MAPKAPK3: variants seen among roughly 807,000 people sequenced by gnomAD.
MAPKAPK3 encodes the protein MAPK activated protein kinase 3, also known as MAP kinase-activated protein kinase 3.
A neutral mutation model predicts 49.2 loss-of-function variants in MAPKAPK3; 35 were observed. The ratio of observed to expected loss-of-function variants is 0.71; its 90% CI spans 0.54 to 0.94. MAPKAPK3 has a LOEUF of 0.94. Ranked by LOEUF, MAPKAPK3 falls within the 40% of genes least tolerant of loss-of-function variation. The pLI, the probability that MAPKAPK3 is intolerant of heterozygous loss-of-function variation, is 0.00. For synonymous variants in MAPKAPK3, 178 were observed against 188.7 expected (o/e 0.94, Z 0.46); for missense variants, 398 against 493.1 (o/e 0.81, Z 1.83).
In MAPKAPK3 at chr3:50,641,689, T is replaced by G. The variant is rs1466818572; in HGVS notation, c.360-18T>G. ...TGTGCAGTTTCCCCCTCTCTGCTTA[T>G]AGTCACCTCTTTTACAGCATGGAAG... On this transcript the variant is annotated intron_variant, in intron 3 of 10. Coordinates refer to ENST00000621469, the MANE Select transcript of MAPKAPK3 (RefSeq NM_001243925.2). The G allele has an allele frequency of 7.4e-6, 12 of 1,610,990 alleles. No homozygotes were observed. Among genetic ancestry groups the G allele is most frequent in the Non-Finnish European group, 9.3e-6 (11 of 1,177,270 alleles).
upstream of MAPKAPK3, among the ~76,000 whole-genome samples, chr3:50,615,200 C>A (rs1237720220): frequency 1.3e-5 from 2 of 152,176 alleles, no homozygotes; most frequent in East Asian, 1.9e-4. Context: ...TGGCTCCCCC[C>A]AGCAGTAGAA....
At chr3:50,620,409 C>G (rs1474362234) in intron 2 of MAPKAPK3, among the ~76,000 whole-genome samples, 2 of 152,216 alleles carry the variant, frequency 1.3e-5, no homozygotes, top group African/African-American at 2.4e-5. Flanking sequence ...TCCAGGTTAA[C>G]CAGGGTGGCC....
intron 2 of MAPKAPK3, among the ~76,000 whole-genome samples, chr3:50,639,718 G>A (rs1036566834): frequency 6.6e-6 from 1 of 152,064 alleles, no homozygotes; most frequent in Middle Eastern, 3.2e-3. Context: ...TCTCCTGCAG[G>A]AAGTCTTCCT....
Position 50,640,387 on chromosome 3 carries a change from G to T in MAPKAPK3, c.241G>T (p.Ala81Ser). ...ALKLLYDSPK[A>S]RQEVDHHWQA... ...ACAGCTCCTGTATGACAGCCCCAAGGCCCGGCAGGAGGTAGACCATCACTG... is the reference window on the plus strand; with the variant it reads ...ACAGCTCCTGTATGACAGCCCCAAGTCCCGGCAGGAGGTAGACCATCACTG... The change falls in exon 3 of 11, where the codon GCC (alanine) becomes TCC (serine). Residue 81 changes from alanine to serine, a missense_variant. Ala to Ser is a moderately conservative substitution (Grantham distance 99, BLOSUM62 1). Transcript: ENST00000621469. The T allele has an allele frequency of 6.2e-7, 1 of 1,614,022 alleles. No individual in the cohort carries two copies. Among genetic ancestry groups the T allele is most frequent in the South Asian group, 1.1e-5 (1 of 91,076 alleles).
At chr3:50,634,529 C>T (rs1310636412) in intron 2 of MAPKAPK3, among the ~76,000 whole-genome samples, 1 of 151,640 alleles carries the variant, frequency 6.6e-6, no homozygotes, top group Admixed American at 6.6e-5. Flanking sequence ...TATTTTCTTG[C>T]CCAGGCTGGA....
intron 2 of MAPKAPK3, among the ~76,000 whole-genome samples, chr3:50,623,857 T>C (rs1004338854): frequency 6.6e-6 from 1 of 152,236 alleles, no homozygotes; most frequent in Admixed American, 6.5e-5. Flanking sequence ...TTGTCCTCTC[T>C]GGCTCCACTG....
At chr3:50,611,898 C>T, upstream of MAPKAPK3, 1 of 506,860 alleles carries the variant, frequency 2.0e-6, no homozygotes, top group African/African-American at 2.0e-5. Flanking sequence ...CAGCGTCTTC[C>T]TAGAACCGCG....
intron 2 of MAPKAPK3, among the ~76,000 whole-genome samples, chr3:50,618,382 C>T (rs1193386047): frequency 6.6e-6 from 1 of 152,232 alleles, no homozygotes; most frequent in Non-Finnish European, 1.5e-5. Flanking sequence ...CTGGGCCAAC[C>T]CACCCCTGGT....
rs1040687616 is a variant in MAPKAPK3 at position 50,617,253 on chromosome 3, C to G, written c.-53+12C>G. On this transcript the variant is annotated intron_variant, in intron 1 of 10. Transcript: ENST00000621469. ...TGCGTTGCCGCCAGGTACGCCCTCG[C>G]TGGGCCCCCTCTGCGGCCTCCTCCG... is the stretch of plus-strand genomic sequence containing the variant. 2 of 270,422 alleles carry G rather than the reference C, an allele frequency of 7.4e-6. No individual in the cohort carries two copies. Among genetic ancestry groups the G allele is most frequent in the Non-Finnish European group, 1.4e-5 (2 of 143,316 alleles). 16.8% of individuals were successfully genotyped at this position (270,422 alleles called of 1,614,324 possible).
intron 5 of MAPKAPK3, among the ~76,000 whole-genome samples, chr3:50,643,727 T>C (rs11130253): frequency 0.012 from 1,822 of 152,162 alleles, 43 homozygotes; most frequent in African/African-American, 0.041. Flanking sequence ...ACCTGAGAAA[T>C]AGCATCCATT....
chr3:50,649,136 G>T lies in MAPKAPK3; in HGVS notation c.*1090G>T, dbSNP rs2033374971. 1 of 152,366 alleles carries T rather than the reference G, an allele frequency of 6.6e-6. No individual in the cohort carries two copies. Among genetic ancestry groups the T allele is most frequent in the Non-Finnish European group, 1.5e-5 (1 of 68,152 alleles). The allele number at this position is 152,366 out of a possible 1,614,324, so 9.4% of individuals were successfully genotyped here. The stretch of plus-strand genomic sequence containing the variant: ...CACCCCACCATGGTAGCCTTAGGGT[G>T]CTGAGTGCCTGATACTGCCTGACAA... On this transcript the variant is annotated 3_prime_UTR_variant, in exon 11 of 11. Coordinates refer to ENST00000621469, the MANE Select transcript of MAPKAPK3 (RefSeq NM_001243925.2).
In MAPKAPK3 at chr3:50,647,215, C is replaced by T. The variant is rs2033323038; in HGVS notation, c.996+12C>T. On this transcript the variant is annotated intron_variant, in intron 10 of 10. Coordinates refer to ENST00000621469, the MANE Select transcript of MAPKAPK3 (RefSeq NM_001243925.2). ...GGGACGAAGTCAAGGTGGGTGGGCTCTGCCTCAGTCTCAATACAGGTGCCA... is the reference window on the plus strand; with the variant it reads ...GGGACGAAGTCAAGGTGGGTGGGCTTTGCCTCAGTCTCAATACAGGTGCCA... The T allele has an allele frequency of 6.4e-7, 1 of 1,571,756 alleles. No individual in the cohort carries two copies. Among genetic ancestry groups the T allele is most frequent in the Admixed American group, 1.9e-5 (1 of 53,734 alleles).
intron 2 of MAPKAPK3, among the ~76,000 whole-genome samples, chr3:50,639,529 T>A (rs2033123306): frequency 2.0e-5 from 3 of 152,320 alleles, no homozygotes; most frequent in Non-Finnish European, 4.4e-5. Context: ...TGGGTGGTCA[T>A]GACCAAGCAA....
intron 2 of MAPKAPK3, among the ~76,000 whole-genome samples, chr3:50,635,513 G>A (rs1348156334): frequency 7.6e-6 from 1 of 130,886 alleles, no homozygotes; most frequent in Admixed American, 9.2e-5. Context: ...CGCCTCCTGG[G>A]TTCAAGTGAT....
At chr3:50,633,526 C>G (rs1324732017) in intron 2 of MAPKAPK3, among the ~76,000 whole-genome samples, 1 of 152,230 alleles carries the variant, frequency 6.6e-6, no homozygotes, top group Non-Finnish European at 1.5e-5. Context: ...CTTCCTGAGT[C>G]TTGTGCAAGC....
At chr3:50,627,921 C>T (rs2032801970) in intron 2 of MAPKAPK3, among the ~76,000 whole-genome samples, 1 of 151,818 alleles carries the variant, frequency 6.6e-6, no homozygotes, top group Non-Finnish European at 1.5e-5. Flanking sequence ...CCTGTACTCA[C>T]CCAGGCCTGT....
At chr3:50,647,818 C>T (rs1308421103) in intron 10 of MAPKAPK3, 76 bp from the exon 11 acceptor site, 3 of 1,441,176 alleles carry the variant, frequency 2.1e-6, no homozygotes, top group Admixed American at 2.1e-5. Context: ...TAAGGGGCTG[C>T]CCAGGCAGGG....
At chr3:50,613,008 T>C (rs1298044246), upstream of MAPKAPK3, 1 of 152,162 alleles carries the variant, frequency 6.6e-6, no homozygotes, top group Non-Finnish European at 1.5e-5. Flanking sequence ...TCCACCTTTT[T>C]TCAGTTCACT....
At chr3:50,621,264 T>G (rs1197809337) in intron 2 of MAPKAPK3, among the ~76,000 whole-genome samples, 1 of 151,556 alleles carries the variant, frequency 6.6e-6, no homozygotes, top group Non-Finnish European at 1.5e-5. Context: ...TTAAGACCAG[T>G]CTTGGCAACA....
Sources: allele counts gnomAD v4.1 joint callset (sites outside exome capture counted in the v4.1 genomes callset), GRCh38; gene constraint gnomAD v4.1.1; transcripts MANE v1.5; gene names NCBI Gene and HGNC (gene_info 2026-07-23, HGNC 2026-07-21).